FBXO27: variants seen among roughly 807,000 people sequenced by gnomAD.
FBXO27 encodes the protein F-box protein 27.
In FBXO27, 28 loss-of-function variants were observed where a neutral mutation model predicts 28.3. The ratio of observed to expected loss-of-function variants is 0.99; its 90% CI spans 0.73 to 1.36. The LOEUF (loss-of-function observed/expected upper bound fraction) is 1.36, where lower values mean the gene tolerates loss of function less well. Among genes scored for constraint, FBXO27 ranks in the 40% most tolerant of loss-of-function variants. The pLI is 0.00. For missense variants in FBXO27, 388 were observed against 394.1 expected (o/e 0.98, Z 0.13); for synonymous variants, 175 against 167.3 (o/e 1.05, Z -0.36).
At chr19:39,014,000 G>A (rs2072808149) in intron 2 of FBXO27, among the ~76,000 whole-genome samples, 1 of 152,176 alleles carries the variant, frequency 6.6e-6, no homozygotes. Flanking sequence ...GGGAGACAGT[G>A]AGACTCCGTC....
At chr19:39,030,660 C>G (rs2072897120) in intron 4 of FBXO27, 2 of 217,238 alleles carry the variant, frequency 9.2e-6, no homozygotes, top group Non-Finnish European at 1.8e-5. Flanking sequence ...ACTCTGTCGT[C>G]CAGGCTGGAG....
rs1015737072 is a variant in FBXO27 at position 39,025,285 on chromosome 19, G to A, written c.*126C>T. The A allele has an allele frequency of 5.3e-6, 7 of 1,320,334 alleles. No individual in the cohort carries two copies. Among genetic ancestry groups the A allele is most frequent in the Non-Finnish European group, 6.2e-6 (6 of 966,316 alleles). 81.8% of individuals were successfully genotyped at this position (1,320,334 alleles called of 1,614,324 possible). On this transcript the variant is annotated 3_prime_UTR_variant, in exon 6 of 6. Coordinates refer to ENST00000292853, the MANE Select transcript of FBXO27 (RefSeq NM_178820.5). Reference sequence around the variant, plus strand: ...ACAGGGCCCGTCAGGGCCTTTGATTGGACCCAGGAATTCTCAGTATGCCAG... The same window carrying A: ...ACAGGGCCCGTCAGGGCCTTTGATTAGACCCAGGAATTCTCAGTATGCCAG...
chr19:39,022,580 G>A (rs1391675067), downstream of FBXO27, among the ~76,000 whole-genome samples: 4 of 152,018 alleles, frequency 2.6e-5, no homozygotes, highest in East Asian at 7.7e-4. Flanking sequence ...CTGAGTAGCT[G>A]GGACTACAGA....
intron 4 of FBXO27, among the ~76,000 whole-genome samples, chr19:39,029,985 A>T (rs541920474): frequency 6.6e-6 from 1 of 152,164 alleles, no homozygotes; most frequent in East Asian, 1.9e-4. Flanking sequence ...GGGACTACAG[A>T]CACTTACCAT....
At chr19:39,031,799 C>A in intron 2 of FBXO27, 65 bp downstream of exon 2, 1 of 1,410,498 alleles carries the variant, frequency 7.1e-7, no homozygotes, top group East Asian at 2.8e-5. Flanking sequence ...CGGCCCCGCC[C>A]CTCCGGCCCC....
chr19:39,008,912 C>G (rs2144879252), intron 2 of FBXO27, among the ~76,000 whole-genome samples: 1 of 152,276 alleles, frequency 6.6e-6, no homozygotes, highest in South Asian at 2.1e-4. Flanking sequence ...CCTCTGCCTC[C>G]CAAGTTCAAG....
At chr19:39,031,743 TC>T in intron 2 of FBXO27, 120 bp downstream of exon 2, 1 of 906,704 alleles carries the variant, frequency 1.1e-6, no homozygotes, top group Non-Finnish European at 1.3e-6. Flanking sequence ...CTCCCACCGG[TC>T]CCACTGCGGC....
chr19:39,012,124 C>A (rs113570306), intron 2 of FBXO27, among the ~76,000 whole-genome samples: 21 of 151,626 alleles, frequency 1.4e-4, no homozygotes, highest in Non-Finnish European at 2.9e-4. Context: ...TGAGCCACCA[C>A]GCCCGGCCGA....
chr19:39,007,431 G>T (rs1421787268), intron 2 of FBXO27, among the ~76,000 whole-genome samples: 1 of 152,102 alleles, frequency 6.6e-6, no homozygotes, highest in Non-Finnish European at 1.5e-5. Context: ...GGAAGTATAG[G>T]GATCAAATGG....
Position 39,032,405 on chromosome 19 carries a change from C to A in FBXO27, c.-27+98G>T. 1 of 917,680 alleles carries A rather than the reference C, an allele frequency of 1.1e-6. No homozygotes were observed. The allele number at this position is 917,680 out of a possible 1,614,324, so 56.8% of individuals were successfully genotyped here. The stretch of plus-strand genomic sequence containing the variant: ...ATCCCCCAGCCCGTCCTTGATAGCC[C>A]CGATATCCCGGAGACCCCGCGGTCT... On this transcript the variant is annotated intron_variant, in intron 1 of 5. Coordinates refer to ENST00000292853, the MANE Select transcript of FBXO27 (RefSeq NM_178820.5). The surrounding 1 kb of genome is among the most constrained non-coding windows in gnomAD (Gnocchi z 4.7).
Position 39,025,466 on chromosome 19 carries a change from T to C in FBXO27, c.797A>G (p.His266Arg), listed in dbSNP as rs762261066. ...GGAGTTGGTCACACGGGCTCCATAG[T>C]GGCCAGCCCAGAACTGTGTGTCCTG... ...RGQDTQFWAG[H>R]YGARVTNSSV... The change falls in exon 6 of 6, where the codon CAC becomes CGC. Residue 266 changes from histidine to arginine, a missense_variant. Transcript: ENST00000292853. The C allele has an allele frequency of 3.1e-6, 5 of 1,614,024 alleles. No homozygotes were observed. The highest frequency in any genetic ancestry group is 2.7e-5 in the African/African-American group (2 of 74,934).
intron 2 of FBXO27, among the ~76,000 whole-genome samples, chr19:39,011,898 G>A (rs1451614208): frequency 2.0e-5 from 3 of 146,686 alleles, no homozygotes; most frequent in Non-Finnish European, 4.5e-5. Context: ...ACGCAATCTC[G>A]GCTCTCTGCA....
chr19:39,031,194 A>G lies in FBXO27; in HGVS notation c.476+15T>C, dbSNP rs1162447234. The G allele has an allele frequency of 1.2e-6, 2 of 1,613,936 alleles. No homozygotes were observed. Among genetic ancestry groups the G allele is most frequent in the East Asian group, 4.5e-5 (2 of 44,882 alleles). On this transcript the variant is annotated intron_variant, in intron 3 of 5. Coordinates refer to ENST00000292853, the MANE Select transcript of FBXO27 (RefSeq NM_178820.5). ...TCAACAAGGGGCCGGACCTTTGGAT[A>G]GCAGGGGCATTCACCTGAATGAAGT...
At position 39,025,232 on chromosome 19, in the gene FBXO27, T is replaced by C; in HGVS notation, c.*179A>G. 1.3e-6 allele frequency: 1 copy of C among 783,364 alleles called. No individual in the cohort carries two copies. Among genetic ancestry groups the C allele is most frequent in the Non-Finnish European group, 2.0e-6 (1 of 509,976 alleles). The allele number at this position is 783,364 out of a possible 1,614,324, so 48.5% of individuals were successfully genotyped here. A position where few individuals can be genotyped will look rare whatever the true frequency, so the allele number is the denominator to read the frequency against. ...AGTAGGTAGATAAGATGGAAGAAGC[T>C]TCTTCTGGTAGTTTCTAGAACCTGA... is the stretch of plus-strand genomic sequence containing the variant. On this transcript the variant is annotated 3_prime_UTR_variant, in exon 6 of 6. Coordinates refer to ENST00000292853, the MANE Select transcript of FBXO27 (RefSeq NM_178820.5).
chr19:39,011,690 CGGCGG>C (rs141011016), intron 2 of FBXO27, among the ~76,000 whole-genome samples: 15 of 10,626 alleles, frequency 1.4e-3, no homozygotes, highest in South Asian at 0.017. Flanking sequence ...GCAGAGATGG[CGGCGG>C]GGGAGGGGGG....
chr19:39,030,624 C>CTTTCTTTT, intron 4 of FBXO27: 1 of 183,598 alleles, frequency 5.4e-6, no homozygotes, highest in Non-Finnish European at 1.1e-5. Context: ...TCTTTTCTTT[C>CTTTCTTTT]TTTTTTTTTT....
chr19:39,008,538 TA>T (rs1381846688), intron 2 of FBXO27, among the ~76,000 whole-genome samples: 2 of 152,182 alleles, frequency 1.3e-5, no homozygotes, highest in South Asian at 4.1e-4. Flanking sequence ...TTTAGCCATT[TA>T]AAAATGTATA....
At chr19:39,015,434 C>G (rs1197031240) in intron 1 of FBXO27, among the ~76,000 whole-genome samples, 1 of 150,794 alleles carries the variant, frequency 6.6e-6, no homozygotes, top group East Asian at 2.0e-4. Flanking sequence ...TGTTTGAGAC[C>G]AACCTGGGCA....
At position 39,031,338 on chromosome 19, in the gene FBXO27, C is replaced by G. The variant is rs368768623; in HGVS notation, c.365-18G>C. On this transcript the variant is annotated intron_variant, in intron 2 of 5. Coordinates refer to ENST00000292853, the MANE Select transcript of FBXO27 (RefSeq NM_178820.5). ...GAGGCCTTCTGTGAAATAAAAAAGG[C>G]TTGTGCCCAAGTTCCAGTCGCCCGC... is the stretch of plus-strand genomic sequence containing the variant. 121 of 1,612,768 alleles carry G rather than the reference C, an allele frequency of 7.5e-5. 1 individual carries two copies. The East Asian group carries it at 2.4e-3, about 32-fold the overall frequency.
Sources: gnomAD v4.1 joint callset for allele counts (sites outside exome capture counted in the v4.1 genomes callset) on GRCh38, gnomAD v4.1.1 for gene constraint, Gnocchi (gnomAD v3.1) non-coding constraint, MANE v1.5 for transcripts, NCBI Gene and HGNC (gene_info 2026-07-23, HGNC 2026-07-21) for gene names.